Variants in PTCH1 observed in about 807,000 individuals in gnomAD.
The protein encoded by PTCH1 is patched 1.
In PTCH1, 14 loss-of-function variants were observed where a neutral mutation model predicts 144.6. The ratio of observed to expected loss-of-function variants is 0.10; its 90% CI spans 0.06 to 0.15. PTCH1 has a LOEUF of 0.15. PTCH1 is among the 10% of genes least tolerant of loss of function. PTCH1 has a pLI of 1.00. For missense variants in PTCH1, 1,623 were observed against 1,948.3 expected (o/e 0.83, Z 3.14); for synonymous variants, 833 against 793.6 (o/e 1.05, Z -0.83).
chr9:95,493,585 G>A (rs1198611724), intron 2 of PTCH1, among the ~76,000 whole-genome samples: 1 of 152,138 alleles, frequency 6.6e-6, no homozygotes, highest in Non-Finnish European at 1.5e-5. Context: ...AGTCCAATTA[G>A]GAAAATAGGG....
rs1588507152 is a variant in PTCH1, at chr9:95,446,148, T to G, written c.*245A>C. On this transcript the variant is annotated 3_prime_UTR_variant, in exon 24 of 24. Coordinates refer to ENST00000331920, the MANE Select transcript of PTCH1 (RefSeq NM_000264.5). Reference sequence around the variant, plus strand: ...TGGCCTCCACACTCTGGGGCAGGAGTGGAGAAGCCCCAGATCATACCACTT... The same window carrying G: ...TGGCCTCCACACTCTGGGGCAGGAGGGGAGAAGCCCCAGATCATACCACTT... The G allele has an allele frequency of 3.4e-6, 1 of 296,216 alleles. No homozygotes were observed. The highest frequency in any genetic ancestry group is 6.8e-6 in the Non-Finnish European group (1 of 146,958). The allele number at this position is 296,216 out of a possible 1,614,324, so 18.3% of individuals were successfully genotyped here.
At chr9:95,475,135 G>A (rs1423307512) in intron 12 of PTCH1, among the ~76,000 whole-genome samples, 1 of 152,190 alleles carries the variant, frequency 6.6e-6, no homozygotes, top group Non-Finnish European at 1.5e-5. Context: ...ACTAATTTTA[G>A]GATTCCTATG....
chr9:95,478,171 C>T lies in PTCH1; in HGVS notation c.1231G>A (p.Val411Ile), dbSNP rs2118338879. 6.2e-7 allele frequency: 1 copy of T among 1,614,208 alleles called. No homozygotes were observed. The highest frequency in any genetic ancestry group is 1.3e-5 in the African/African-American group (1 of 75,038). Residue 411 changes from valine (V) to isoleucine (I), a missense_variant, in exon 9 of 24, where the codon GTC becomes ATC. Physicochemically the swap from Val to Ile is conservative, Grantham distance 29. This residue lies in a region of PTCH1 where 230 missense variants were observed against 271.0 expected (regional missense o/e 0.85). Coordinates refer to ENST00000331920, the MANE Select transcript of PTCH1 (RefSeq NM_000264.5). Reference protein sequence around the residue: ...RTYVEVVHQSVAQNSTQKVLS... With the variant: ...RTYVEVVHQSIAQNSTQKVLS... ...ACCTTTTGAGTGGAGTTCTGTGCGA[C>T]ACTCTGATGAACCACCTGTGGTCAC... is the stretch of plus-strand genomic sequence containing the variant.
chr9:95,512,737 G>A (rs1844215881), upstream of PTCH1, among the ~76,000 whole-genome samples: 1 of 152,198 alleles, frequency 6.6e-6, no homozygotes, highest in South Asian at 2.1e-4. Flanking sequence ...TGCAGACTGG[G>A]GCAGCCAGAC....
At chr9:95,498,183 A>T (rs948936460) in intron 2 of PTCH1, among the ~76,000 whole-genome samples, 1 of 152,198 alleles carries the variant, frequency 6.6e-6, no homozygotes, top group Admixed American at 6.5e-5. Flanking sequence ...AAATTGGGTA[A>T]GTCTACTGCT....
chr9:95,467,557 T>C lies in PTCH1; in HGVS notation c.2251-132A>G, dbSNP rs1233081113. 4 of 873,198 alleles carry C rather than the reference T, an allele frequency of 4.6e-6. No homozygotes were observed. In the Admixed American group the frequency reaches 9.8e-5, roughly 21 times the overall value. 54.1% of individuals were successfully genotyped at this position (873,198 alleles called of 1,614,324 possible). On this transcript the variant is annotated intron_variant, in intron 14 of 23. Transcript: ENST00000331920. Reference sequence around the variant, plus strand: ...CTGATTTATCTTGTAGGGGTTGTTCTCCCATAGGAAAAAGGATAAAATCAT... The same window carrying C: ...CTGATTTATCTTGTAGGGGTTGTTCCCCCATAGGAAAAAGGATAAAATCAT...
At chr9:95,506,684 A>G (rs1843679245) in intron 1 of PTCH1, 85 bp from the exon 2 acceptor site, 1 of 1,086,724 alleles carries the variant, frequency 9.2e-7, no homozygotes, top group Non-Finnish European at 1.2e-6. Context: ...CCGCCCGGTG[A>G]GCCCCCAACA....
intron 1 of PTCH1, 98 bp from the exon 2 acceptor site, chr9:95,506,697 CG>C (rs1411060865): frequency 8.5e-7 from 1 of 1,183,340 alleles, no homozygotes; most frequent in Non-Finnish European, 1.1e-6. Flanking sequence ...CCCCAACAGC[CG>C]TGGGGGCGCG....
At chr9:95,467,060 G>A (rs1840065642) in intron 15 of PTCH1, 56 bp downstream of exon 15, 1 of 1,559,442 alleles carries the variant, frequency 6.4e-7, no homozygotes, top group African/African-American at 1.4e-5. Context: ...AAAGGAACCT[G>A]TTGAAGCTGA....
intron 2 of PTCH1, among the ~76,000 whole-genome samples, chr9:95,504,021 TCAAAAAAAAAAAAAAAAAAAAAAA>T: frequency 1.8e-4 from 1 of 5,412 alleles, no homozygotes; most frequent in African/African-American, 1.8e-3. Flanking sequence ...AGACTCCGTC[TCAAAAAAAAAAAAAAAAAAAAAAA>T]AAAAAAAAAA....
In PTCH1 at chr9:95,459,608, C is replaced by G. The variant is rs1839274290; in HGVS notation, c.2879G>C (p.Arg960Thr). ...HDKADYMPETRLRIPAAEPIE... is the reference protein window; with the variant it reads ...HDKADYMPETTLRIPAAEPIE... ...GATAAAACGCTACTTACTTCTCAGC[C>G]TTGTTTCAGGCATGTAGTCGGCTTT... Residue 960 changes from arginine (R) to threonine (T), a missense_variant, in exon 17 of 24, where the codon AGG becomes ACG. Coordinates refer to ENST00000331920, the MANE Select transcript of PTCH1 (RefSeq NM_000264.5). 8 of 1,613,806 alleles carry G rather than the reference C, an allele frequency of 5.0e-6. No individual in the cohort carries two copies. Among genetic ancestry groups the G allele is most frequent in the Non-Finnish European group, 5.9e-6 (7 of 1,180,030 alleles).
At position 95,458,053 on chromosome 9, in the gene PTCH1, C is replaced by A. The variant is rs1345405015; in HGVS notation, c.3128G>T (p.Cys1043Phe). ...CCAGGGGTTCAGAAGGAAGACAGCGCACACGAGGAATGTGCAGGCCAACAC... is the reference window on the plus strand; with the variant it reads ...CCAGGGGTTCAGAAGGAAGACAGCGAACACGAGGAATGTGCAGGCCAACAC... ...SVVLACTFLVCAVFLLNPWTA... is the reference protein window; with the variant it reads ...SVVLACTFLVFAVFLLNPWTA... Residue 1043 changes from cysteine to phenylalanine, a missense_variant, in exon 18 of 24, where the codon TGC (cysteine) becomes TTC (phenylalanine). Cys to Phe is a radical substitution (Grantham distance 205). Transcript: ENST00000331920. The surrounding 1 kb of genome is among the most constrained non-coding windows in gnomAD (Gnocchi z 4.7). 2 of 1,614,078 alleles carry A rather than the reference C, an allele frequency of 1.2e-6. No homozygotes were observed. Among genetic ancestry groups the A allele is most frequent in the African/African-American group, 2.7e-5 (2 of 74,932 alleles).
At position 95,478,191 on chromosome 9, in the gene PTCH1, G is replaced by A. The variant is rs1340716199; in HGVS notation, c.1216-5C>T. ...TGCGACACTCTGATGAACCACCTGTGGTCACAACAGAATGCGAAATGCCCA... is the reference window on the plus strand; with the variant it reads ...TGCGACACTCTGATGAACCACCTGTAGTCACAACAGAATGCGAAATGCCCA... On this transcript the variant is annotated splice_region_variant and splice_polypyrimidine_tract_variant and intron_variant, in intron 8 of 23. Transcript: ENST00000331920. 1.2e-6 allele frequency: 2 copies of A among 1,614,140 alleles called. No homozygotes were observed. Among genetic ancestry groups the A allele is most frequent in the Non-Finnish European group, 1.7e-6 (2 of 1,180,036 alleles).
chr9:95,479,178 T>C (rs1192734545), intron 7 of PTCH1, 31 bp from the exon 8 acceptor site: 2 of 1,613,830 alleles, frequency 1.2e-6, no homozygotes, highest in South Asian at 2.2e-5. Context: ...AGGCACATCA[T>C]CAGTATTCCC....
chr9:95,487,333 G>C (rs1353525893), intron 2 of PTCH1, among the ~76,000 whole-genome samples: 1 of 152,212 alleles, frequency 6.6e-6, no homozygotes, highest in Non-Finnish European at 1.5e-5. Context: ...TCTGTGTGCA[G>C]AAAACTTTGA....
At position 95,469,951 on chromosome 9, in the gene PTCH1, T is replaced by C; in HGVS notation, c.1729-20A>G. The C allele has an allele frequency of 6.3e-7, 1 of 1,577,014 alleles. No homozygotes were observed. The highest frequency in any genetic ancestry group is 1.1e-5 in the South Asian group (1 of 90,300). ...CGCTGCCTGGGAGCAGAAAAAAAATTCAGAGGTCACCAACATGCCTCCGCC... is the reference window on the plus strand; with the variant it reads ...CGCTGCCTGGGAGCAGAAAAAAAATCCAGAGGTCACCAACATGCCTCCGCC... On this transcript the variant is annotated intron_variant, in intron 12 of 23. Transcript: ENST00000331920.
chr9:95,507,594 AT>A (rs1490241660), intron 1 of PTCH1: 5 of 364,510 alleles, frequency 1.4e-5, no homozygotes, highest in Non-Finnish European at 1.9e-5. Context: ...TCCGAGAATA[AT>A]TTTTTAAGGG....
At chr9:95,448,358 A>G (rs963546545) in intron 22 of PTCH1, among the ~76,000 whole-genome samples, 2 of 152,154 alleles carry the variant, frequency 1.3e-5, no homozygotes, top group African/African-American at 4.8e-5. Context: ...CCCTCAGTGG[A>G]GCAACATCAG....
rs1843636624 is a variant in PTCH1 at position 95,506,352 on chromosome 9, C to G, written c.394+55G>C. ...GGTGTGCGCTGGCGAATATCTCTAT[C>G]AACCGCGAGGAGGGACCGGGCCGGG... On this transcript the variant is annotated intron_variant, in intron 2 of 23. Transcript: ENST00000331920. 4 of 1,574,090 alleles carry G rather than the reference C, an allele frequency of 2.5e-6. No individual in the cohort carries two copies. The South Asian group carries it at 4.5e-5, about 18-fold the overall frequency.
Sources: allele counts gnomAD v4.1 joint callset (sites outside exome capture counted in the v4.1 genomes callset), GRCh38; gene constraint gnomAD v4.1.1; regional missense constraint gnomAD v4.1.1; non-coding constraint Gnocchi (gnomAD v3.1); transcripts MANE v1.5; gene names NCBI Gene and HGNC (gene_info 2026-07-23, HGNC 2026-07-21).